EYS: variants seen among roughly 807,000 people sequenced by gnomAD.
EYS encodes protein eyes shut homolog.
Under a neutral mutation model 282.1 loss-of-function variants are expected in EYS, and 250 were observed. That is an observed-to-expected ratio of 0.89 (90% CI 0.80 to 0.98). EYS has a LOEUF of 0.98. EYS is among the 50% of genes least tolerant of loss of function. EYS has a pLI of 0.00. For missense variants in EYS, 4,016 were observed against 3,709.0 expected (o/e 1.08, Z -2.15); for synonymous variants, 1,355 against 1,282.9 (o/e 1.06, Z -1.20).
intron 14 of EYS, among the ~76,000 whole-genome samples, chr6:64,961,460 T>C (rs1769914695): frequency 6.6e-6 from 1 of 152,064 alleles, no homozygotes; most frequent in Admixed American, 6.6e-5. Flanking sequence ...ATCATATATA[T>C]ATATATATAC....
intron 12 of EYS, among the ~76,000 whole-genome samples, chr6:65,124,095 G>A (rs961232850): frequency 1.5e-4 from 23 of 152,072 alleles, no homozygotes; most frequent in Admixed American, 1.4e-3. Context: ...GATCCCTTGA[G>A]CCTAGGAGTC....
chr6:63,799,411 C>T (rs1207986396), intron 37 of EYS, among the ~76,000 whole-genome samples: 3 of 151,906 alleles, frequency 2.0e-5, no homozygotes, highest in Non-Finnish European at 4.4e-5. Context: ...CTACATGTTT[C>T]CCCTCCCCCT....
chr6:64,033,307 G>A (rs1434437662), intron 33 of EYS, among the ~76,000 whole-genome samples: 1 of 152,010 alleles, frequency 6.6e-6, no homozygotes, highest in African/African-American at 2.4e-5. Flanking sequence ...GAGAAAAAAG[G>A]CTCCTTTTAC....
At chr6:65,584,894 A>G (rs1231320916) in intron 2 of EYS, among the ~76,000 whole-genome samples, 5 of 139,592 alleles carry the variant, frequency 3.6e-5, no homozygotes, top group Non-Finnish European at 6.3e-5. Context: ...AATATTATAT[A>G]TATTATATAT....
intron 26 of EYS, among the ~76,000 whole-genome samples, chr6:64,566,503 A>G (rs1238159395): frequency 6.6e-6 from 1 of 152,174 alleles, no homozygotes; most frequent in Non-Finnish European, 1.5e-5. Context: ...TGCAGAATTG[A>G]TAAGAATGGG....
intron 19 of EYS, among the ~76,000 whole-genome samples, chr6:64,842,300 C>A (rs563572600): frequency 1.7e-4 from 26 of 151,408 alleles, no homozygotes; most frequent in African/African-American, 6.1e-4. Context: ...TTCTGCTAAA[C>A]CAAATTTCCA....
At chr6:64,822,439 T>TA (rs1764925453) in intron 20 of EYS, among the ~76,000 whole-genome samples, 1 of 152,024 alleles carries the variant, frequency 6.6e-6, no homozygotes, top group African/African-American at 2.4e-5. Context: ...TACTTTATGC[T>TA]AATGAACAGA....
chr6:64,231,644 A>G (rs186122884), intron 30 of EYS, among the ~76,000 whole-genome samples: 1 of 152,292 alleles, frequency 6.6e-6, no homozygotes, highest in African/African-American at 2.4e-5. Context: ...CTGGCCCAAC[A>G]AGATGAAACT....
At chr6:63,978,276 C>T (rs772083238) in intron 35 of EYS, among the ~76,000 whole-genome samples, 35 of 151,906 alleles carry the variant, frequency 2.3e-4, no homozygotes, top group Admixed American at 3.9e-4. Context: ...TAGCTTTCCC[C>T]GCCACCTGTT....
At chr6:65,558,403 C>T (rs552930733) in intron 2 of EYS, among the ~76,000 whole-genome samples, 11 of 152,322 alleles carry the variant, frequency 7.2e-5, no homozygotes, top group Admixed American at 3.9e-4. Context: ...ATTGGGAGTG[C>T]GGAGAGGCCA....
intron 36 of EYS, among the ~76,000 whole-genome samples, chr6:63,812,664 T>C (rs533874308): frequency 2.0e-5 from 3 of 152,206 alleles, no homozygotes; most frequent in Middle Eastern, 6.8e-3. Flanking sequence ...GACATAGTAA[T>C]ATATATTATG....
At chr6:63,757,309 C>G (rs769037543) in intron 41 of EYS, among the ~76,000 whole-genome samples, 1 of 152,006 alleles carries the variant, frequency 6.6e-6, no homozygotes, top group Admixed American at 6.6e-5. Flanking sequence ...CTGCAGTACC[C>G]TCAGGCTTAC....
intron 2 of EYS, among the ~76,000 whole-genome samples, chr6:65,619,617 T>C (rs999390465): frequency 6.6e-6 from 1 of 151,996 alleles, no homozygotes; most frequent in Non-Finnish European, 1.5e-5. Context: ...AGAGAGGGCA[T>C]CCCTGTCTTG....
At chr6:65,382,221 T>C (rs925818453) in intron 8 of EYS, among the ~76,000 whole-genome samples, 39 of 151,020 alleles carry the variant, frequency 2.6e-4, no homozygotes, top group African/African-American at 8.2e-4. Flanking sequence ...GTGTTTTTTT[T>C]TTTTTTTTTT....
chr6:64,947,141 A>T (rs572281575), intron 14 of EYS, among the ~76,000 whole-genome samples: 1 of 151,854 alleles, frequency 6.6e-6, no homozygotes, highest in Non-Finnish European at 1.5e-5. Flanking sequence ...CCCTATGTTT[A>T]ATTAATGTTG....
At chr6:65,377,535 C>T (rs919129237) in intron 8 of EYS, among the ~76,000 whole-genome samples, 17 of 151,274 alleles carry the variant, frequency 1.1e-4, no homozygotes, top group Non-Finnish European at 1.8e-4. Context: ...AGAGCAGAAC[C>T]GAAGGAGATA....
chr6:65,324,378 G>A (rs1242949273), intron 11 of EYS, among the ~76,000 whole-genome samples: 1 of 152,138 alleles, frequency 6.6e-6, no homozygotes, highest in Non-Finnish European at 1.5e-5. Flanking sequence ...GGAAAGGAAG[G>A]AGCCAGATTT....
intron 22 of EYS, among the ~76,000 whole-genome samples, chr6:64,735,901 A>G (rs1035277895): frequency 6.6e-6 from 1 of 152,022 alleles, no homozygotes; most frequent in South Asian, 2.1e-4. Flanking sequence ...GACTGAAAAC[A>G]TAAGCATATA....
chr6:64,481,070 C>T (rs1776421751), intron 26 of EYS, among the ~76,000 whole-genome samples: 1 of 151,120 alleles, frequency 6.6e-6, no homozygotes, highest in Non-Finnish European at 1.5e-5. Flanking sequence ...GAACAGTTTT[C>T]CTTAAATATG....
Sources: gnomAD v4.1 joint callset for allele counts (sites outside exome capture counted in the v4.1 genomes callset) on GRCh38, gnomAD v4.1.1 for gene constraint, MANE v1.5 for transcripts, NCBI Gene and HGNC (gene_info 2026-07-23, HGNC 2026-07-21) for gene names.